EPB41L4A: variants seen among roughly 807,000 people sequenced by gnomAD.
EPB41L4A encodes erythrocyte membrane protein band 4.1 like 4A, also known as band 4.1-like protein 4A.
In EPB41L4A, 100 loss-of-function variants were observed where a neutral mutation model predicts 108.6. The ratio of observed to expected loss-of-function variants is 0.92; its 90% CI spans 0.78 to 1.09. EPB41L4A has a LOEUF of 1.09. Among genes scored for constraint, EPB41L4A ranks in the 50% least tolerant of loss-of-function variants. The pLI, the probability that EPB41L4A is intolerant of heterozygous loss-of-function variation, is 0.00. For synonymous variants in EPB41L4A, 319 were observed against 289.0 expected (o/e 1.10, Z -1.05); for missense variants, 1,030 against 842.7 (o/e 1.22, Z -2.75).
chr5:112,362,627 A>G (rs922037836), intron 1 of EPB41L4A, among the ~76,000 whole-genome samples: 1 of 152,162 alleles, frequency 6.6e-6, no homozygotes, highest in African/African-American at 2.4e-5. Flanking sequence ...GCCTCACTTT[A>G]TCATTAATAG....
intron 12 of EPB41L4A, among the ~76,000 whole-genome samples, chr5:112,223,506 T>C (rs1030262598): frequency 2.2e-4 from 34 of 152,084 alleles, no homozygotes; most frequent in African/African-American, 7.2e-4. Context: ...CTCAGGAATA[T>C]CTATCCCCAA....
chr5:112,168,646 G>A (rs922120450), intron 22 of EPB41L4A, 93 bp downstream of exon 22: 5 of 889,520 alleles, frequency 5.6e-6, no homozygotes, highest in Non-Finnish European at 7.3e-6. Flanking sequence ...TTCATTGCCT[G>A]CCCTACCTCC....
intron 4 of EPB41L4A, among the ~76,000 whole-genome samples, chr5:112,267,132 T>C (rs940366275): frequency 5.9e-5 from 9 of 152,180 alleles, no homozygotes; most frequent in African/African-American, 2.2e-4. Context: ...GCTATTCTGC[T>C]AGTGGACTGA....
chr5:112,168,787 C>G lies in EPB41L4A; in HGVS notation c.1884G>C (p.Val628=). The part of the protein sequence containing the change: ...SKTDLVPPLP[V]TRSSDAQGSG... ...AACCCTGAGCATCCGAAGAACGGGT[C>G]ACCGGAAGTGGTGGTACAAGATCTG... Residue 628 remains valine (V), a synonymous_variant, in exon 22 of 23, where the codon GTG becomes GTC. Transcript: ENST00000261486. 1 of 1,614,136 alleles carries G rather than the reference C, an allele frequency of 6.2e-7. No homozygotes were observed. Among genetic ancestry groups the G allele is most frequent in the Non-Finnish European group, 8.5e-7 (1 of 1,179,968 alleles).
chr5:112,149,427 G>A (rs369650310), intron 12 of EPB41L4A, among the ~76,000 whole-genome samples: 2 of 152,154 alleles, frequency 1.3e-5, no homozygotes, highest in South Asian at 2.1e-4. Context: ...AGCTGAGATC[G>A]CGCCACTGCA....
intron 1 of EPB41L4A, among the ~76,000 whole-genome samples, chr5:112,381,124 T>C (rs1026577321): frequency 6.6e-6 from 1 of 152,178 alleles, no homozygotes; most frequent in Non-Finnish European, 1.5e-5. Flanking sequence ...ACAGTTACAC[T>C]AAATGTGATC....
chr5:112,357,043 CGA>C (rs941761928), intron 1 of EPB41L4A, among the ~76,000 whole-genome samples: 5 of 152,128 alleles, frequency 3.3e-5, no homozygotes, highest in African/African-American at 1.2e-4. Flanking sequence ...GGGCCCAGAG[CGA>C]GAGATGGTTC....
downstream of EPB41L4A, chr5:112,161,467 C>T (rs1759897887): frequency 1.9e-6 from 1 of 516,952 alleles, no homozygotes; most frequent in Non-Finnish European, 3.9e-6. Flanking sequence ...TGCCATAAAG[C>T]CTACCTCACG....
intron 1 of EPB41L4A, among the ~76,000 whole-genome samples, chr5:112,358,431 G>T (rs905033291): frequency 6.6e-6 from 1 of 152,182 alleles, no homozygotes. Context: ...AACCAGAAAA[G>T]AATTTCTTAA....
chr5:112,168,855 A>G (rs1554071725), intron 21 of EPB41L4A, 35 bp from the exon 22 acceptor site: 1 of 1,560,344 alleles, frequency 6.4e-7, no homozygotes, highest in Non-Finnish European at 8.8e-7. Flanking sequence ...AGTGACTGGA[A>G]CAGTATCTAG....
At chr5:112,245,681 C>G (rs1750158429) in intron 9 of EPB41L4A, among the ~76,000 whole-genome samples, 1 of 152,090 alleles carries the variant, frequency 6.6e-6, no homozygotes, top group Non-Finnish European at 1.5e-5. Context: ...TTTTGAGGTC[C>G]CATGGGACAC....
chr5:112,285,656 A>T (rs971754571), intron 2 of EPB41L4A, among the ~76,000 whole-genome samples: 6 of 152,178 alleles, frequency 3.9e-5, no homozygotes. Context: ...GTTTTTCAGC[A>T]AAAGTGAATT....
At chr5:112,173,360 T>A (rs1472698909) in intron 18 of EPB41L4A, among the ~76,000 whole-genome samples, 1 of 152,034 alleles carries the variant, frequency 6.6e-6, no homozygotes, top group South Asian at 2.1e-4. Flanking sequence ...CCCCATGATA[T>A]CAGGCCTAGT....
intron 9 of EPB41L4A, among the ~76,000 whole-genome samples, chr5:112,254,381 T>C (rs1580538001): frequency 6.6e-6 from 1 of 152,152 alleles, no homozygotes; most frequent in African/African-American, 2.4e-5. Flanking sequence ...TTGTCTCCCC[T>C]TGATCACATC....
At chr5:112,325,613 G>C (rs984102808) in intron 1 of EPB41L4A, among the ~76,000 whole-genome samples, 3 of 152,120 alleles carry the variant, frequency 2.0e-5, no homozygotes, top group African/African-American at 7.2e-5. Flanking sequence ...TCATGCTTTA[G>C]TAATTTCAAA....
chr5:112,230,671 G>C (rs940391910), intron 12 of EPB41L4A, among the ~76,000 whole-genome samples: 3 of 151,510 alleles, frequency 2.0e-5, no homozygotes, highest in African/African-American at 7.4e-5. Flanking sequence ...CTCCCAGTCT[G>C]TGGGTTGACT....
intron 2 of EPB41L4A, among the ~76,000 whole-genome samples, chr5:112,295,125 A>T (rs1305014490): frequency 2.6e-5 from 4 of 152,248 alleles, no homozygotes; most frequent in Non-Finnish European, 4.4e-5. Flanking sequence ...CAGCTTAGTT[A>T]TTAACAGTGT....
chr5:112,282,454 C>G (rs1202726320), intron 2 of EPB41L4A, among the ~76,000 whole-genome samples: 3 of 152,178 alleles, frequency 2.0e-5, no homozygotes, highest in Non-Finnish European at 4.4e-5. Context: ...AACAAATTAC[C>G]ACAAGCTTAG....
At chr5:112,187,222 G>T (rs964696265) in intron 17 of EPB41L4A, among the ~76,000 whole-genome samples, 1 of 152,166 alleles carries the variant, frequency 6.6e-6, no homozygotes, top group Non-Finnish European at 1.5e-5. Context: ...GCATCTAAAG[G>T]TGAACCTCAA....
Sources: gnomAD v4.1 joint callset for allele counts (sites outside exome capture counted in the v4.1 genomes callset) on GRCh38, gnomAD v4.1.1 for gene constraint, MANE v1.5 for transcripts, NCBI Gene and HGNC (gene_info 2026-07-23, HGNC 2026-07-21) for gene names.